The following ECT2L variants were observed in gnomAD, a reference collection of about 807,000 sequenced individuals.
ECT2L encodes epithelial cell transforming 2 like.
Under a neutral mutation model 122.8 loss-of-function variants are expected in ECT2L, and 126 were observed. That is an observed-to-expected ratio of 1.03 (90% CI 0.89 to 1.19). The LOEUF is 1.19. ECT2L is among the 50% of genes most tolerant of loss of function. The pLI, the probability that ECT2L is intolerant of heterozygous loss-of-function variation, is 0.00. For synonymous variants in ECT2L, 385 were observed against 381.8 expected (o/e 1.01, Z -0.10); for missense variants, 1,012 against 1,064.1 (o/e 0.95, Z 0.68).
intron 6 of ECT2L, among the ~76,000 whole-genome samples, chr6:138,843,481 T>C (rs977975569): frequency 6.6e-6 from 1 of 152,096 alleles, no homozygotes; most frequent in Non-Finnish European, 1.5e-5. Context: ...CTCTCAGGCT[T>C]ATAAGACCAA....
intron 1 of ECT2L, among the ~76,000 whole-genome samples, chr6:138,811,425 A>T (rs1470991781): frequency 6.6e-6 from 1 of 152,174 alleles, no homozygotes; most frequent in Non-Finnish European, 1.5e-5. Context: ...ATGAACTGAG[A>T]TGTATCCCCT....
intron 5 of ECT2L, 103 bp downstream of exon 5, chr6:138,838,617 AC>A (rs1396741285): frequency 8.5e-7 from 1 of 1,175,292 alleles, no homozygotes; most frequent in African/African-American, 1.6e-5. Context: ...AGCTGAGGGT[AC>A]CTGATCCATC....
intron 14 of ECT2L, among the ~76,000 whole-genome samples, chr6:138,877,505 T>C (rs894180269): frequency 2.0e-5 from 3 of 152,172 alleles, no homozygotes; most frequent in Admixed American, 2.0e-4. Flanking sequence ...TATGTAAAAA[T>C]ATATACATAC....
intron 4 of ECT2L, among the ~76,000 whole-genome samples, chr6:138,835,123 TAAA>T (rs993779563): frequency 6.7e-6 from 1 of 148,836 alleles, no homozygotes; most frequent in African/African-American, 2.4e-5. Context: ...GAAGCAAACT[TAAA>T]AAAAAAATTT....
chr6:138,804,582 A>AACAC (rs367560936), intron 1 of ECT2L, among the ~76,000 whole-genome samples: 6,581 of 146,420 alleles, frequency 0.045, 172 homozygotes, highest in African/African-American at 0.055. Context: ...TGAAGTTTTA[A>AACAC]ACACACACAC....
intron 20 of ECT2L, 50 bp from the exon 21 acceptor site, chr6:138,900,898 A>G (rs745989201): frequency 6.4e-7 from 1 of 1,559,824 alleles, no homozygotes; most frequent in African/African-American, 1.4e-5. Flanking sequence ...ACTATGTAAC[A>G]AAGCATGTAT....
intron 1 of ECT2L, among the ~76,000 whole-genome samples, chr6:138,804,582 A>AACACACACACACACACAC (rs367560936): frequency 6.8e-6 from 1 of 146,380 alleles, no homozygotes; most frequent in African/African-American, 2.5e-5. Context: ...TGAAGTTTTA[A>AACACACACACACACACAC]ACACACACAC....
At chr6:138,864,931 A>G in intron 11 of ECT2L, 65 bp from the exon 12 acceptor site, 2 of 1,473,090 alleles carry the variant, frequency 1.4e-6, no homozygotes, top group Non-Finnish European at 1.8e-6. Context: ...TGTACTTTAA[A>G]CAAGATGTAG....
At chr6:138,889,941 T>C (rs1211568886) in intron 20 of ECT2L, among the ~76,000 whole-genome samples, 3 of 152,212 alleles carry the variant, frequency 2.0e-5, no homozygotes, top group African/African-American at 4.8e-5. Context: ...AACTTTGCTA[T>C]TGTAAAACAA....
At chr6:138,851,013 A>AAAAAAAAAAAAG (rs1562474231) in intron 9 of ECT2L, among the ~76,000 whole-genome samples, 1 of 148,228 alleles carries the variant, frequency 6.7e-6, no homozygotes, top group African/African-American at 2.6e-5. Flanking sequence ...AAAAAAAAAA[A>AAAAAAAAAAAAG]AAAAAAAAAA....
chr6:138,855,849 G>A (rs73557278), intron 10 of ECT2L, among the ~76,000 whole-genome samples: 7,462 of 152,190 alleles, frequency 0.049, 351 homozygotes, highest in African/African-American at 0.12. Flanking sequence ...AGAACAAAGC[G>A]AATATTTTAA....
At chr6:138,870,304 A>G (rs1309068502) in intron 13 of ECT2L, 1 of 152,672 alleles carries the variant, frequency 6.5e-6, no homozygotes, top group Non-Finnish European at 1.5e-5. Context: ...GACAACATTC[A>G]GTTTATTCAT....
intron 1 of ECT2L, among the ~76,000 whole-genome samples, chr6:138,804,813 T>C (rs1775660778): frequency 6.6e-6 from 1 of 152,202 alleles, no homozygotes; most frequent in Non-Finnish European, 1.5e-5. Flanking sequence ...AGGTACTTAG[T>C]GGTACTTGAT....
intron 4 of ECT2L, among the ~76,000 whole-genome samples, chr6:138,829,301 G>A (rs1269340349): frequency 6.6e-6 from 1 of 152,092 alleles, no homozygotes; most frequent in Non-Finnish European, 1.5e-5. Flanking sequence ...AGGTATTGCC[G>A]TAATAGAGCA....
intron 20 of ECT2L, among the ~76,000 whole-genome samples, chr6:138,896,595 A>G (rs1323897658): frequency 6.6e-6 from 1 of 152,206 alleles, no homozygotes; most frequent in Non-Finnish European, 1.5e-5. Context: ...GACTCAGGTC[A>G]GCTCACAGTG....
In ECT2L at chr6:138,882,938, G is replaced by A. The variant is rs533986892; in HGVS notation, c.2028+67G>A. 10 of 1,534,434 alleles carry A rather than the reference G, an allele frequency of 6.5e-6. No homozygotes were observed. In the East Asian group the frequency reaches 9.1e-5, roughly 14 times the overall value. ...AGAAAGGAAGTTACGTGTGGAACCC[G>A]AAAGACCAGCGTTAATAAGAAAGGC... is the stretch of plus-strand genomic sequence containing the variant. On this transcript the variant is annotated intron_variant, in intron 16 of 21. Coordinates refer to ENST00000541398, the MANE Select transcript of ECT2L (RefSeq NM_001077706.3).
chr6:138,862,798 A>G (rs886191314), intron 11 of ECT2L, 79 bp downstream of exon 11: 4 of 1,190,056 alleles, frequency 3.4e-6, no homozygotes, highest in African/African-American at 3.0e-5. Flanking sequence ...AATCCAGTTA[A>G]TAGTACTGGT....
intron 9 of ECT2L, 120 bp downstream of exon 9, chr6:138,849,554 C>T (rs370082941): frequency 3.3e-5 from 31 of 943,722 alleles, no homozygotes; most frequent in South Asian, 2.1e-4. Flanking sequence ...GATTTTTTGG[C>T]TTTATGAAAA....
intron 20 of ECT2L, among the ~76,000 whole-genome samples, chr6:138,891,515 C>T (rs1779024882): frequency 6.6e-6 from 1 of 152,146 alleles, no homozygotes; most frequent in Non-Finnish European, 1.5e-5. Context: ...GCCAGATACT[C>T]CTTTCTACTG....
Sources: allele counts gnomAD v4.1 joint callset (sites outside exome capture counted in the v4.1 genomes callset), GRCh38; gene constraint gnomAD v4.1.1; transcripts MANE v1.5; gene names NCBI Gene and HGNC (gene_info 2026-07-23, HGNC 2026-07-21).